PPP1R8: variants seen among roughly 807,000 people sequenced by gnomAD.
The protein encoded by PPP1R8 is protein phosphatase 1 regulatory subunit 8.
A neutral mutation model predicts 31.3 loss-of-function variants in PPP1R8; 4 were observed. That is an observed-to-expected ratio of 0.13 (90% CI 0.06 to 0.29). The LOEUF (loss-of-function observed/expected upper bound fraction) is 0.29. PPP1R8 is among the 10% of genes least tolerant of loss of function. The pLI is 1.00. For synonymous variants in PPP1R8, 170 were observed against 169.7 expected, an observed-to-expected ratio of 1.00 and a Z score of -0.01; for missense variants, 254 against 440.1, an observed-to-expected ratio of 0.58 and a Z score of 3.78.
intron 3 of PPP1R8, among the ~76,000 whole-genome samples, chr1:27,839,540 A>G (rs2089202854): frequency 6.6e-6 from 1 of 152,072 alleles, no homozygotes; most frequent in African/African-American, 2.4e-5. Flanking sequence ...AAAAATAAAG[A>G]AAAGGAAAAA....
Position 27,841,105 on chromosome 1 carries a change from A to G in PPP1R8, c.363A>G (p.Thr121=). ...IDSTVSFGAS[T]RAYTLREKPQ... is the part of the protein sequence containing the mutation. Reference sequence around the variant, plus strand: ...CCACGGTCTCATTTGGCGCATCCACAAGGGCATACACTCTGCGCGAGAAGC... The same window carrying G: ...CCACGGTCTCATTTGGCGCATCCACGAGGGCATACACTCTGCGCGAGAAGC... Residue 121 remains threonine, a synonymous_variant, in exon 4 of 7, where the codon ACA becomes ACG. Transcript: ENST00000311772. 6.2e-7 allele frequency: 1 copy of G among 1,614,178 alleles called. No individual in the cohort carries two copies. Among genetic ancestry groups the G allele is most frequent in the Non-Finnish European group, 8.5e-7 (1 of 1,180,042 alleles).
rs375376970 is a variant in PPP1R8 at position 27,831,045 on chromosome 1, C to A, written c.56+154C>A. ...CTGTTTGCTGCACCGGGCCGGGCGA[C>A]GTGTTGAAGAACCGAGAGCCTGGAG... On this transcript the variant is annotated intron_variant, in intron 1 of 6. Transcript: ENST00000311772. 93 of 1,390,836 alleles carry A rather than the reference C, an allele frequency of 6.7e-5. No individual in the cohort carries two copies. In the East Asian group the frequency reaches 1.6e-3, roughly 25 times the overall value. The allele number at this position is 1,390,836 out of a possible 1,614,324, so 86.2% of individuals were successfully genotyped here.
At chr1:27,831,532 A>G (rs1025001975) in intron 1 of PPP1R8, among the ~76,000 whole-genome samples, 3 of 152,160 alleles carry the variant, frequency 2.0e-5, no homozygotes, top group African/African-American at 7.2e-5. Flanking sequence ...AATATGAATT[A>G]CCTTACAAGG....
At chr1:27,837,716 A>G (rs1345458942) in intron 2 of PPP1R8, among the ~76,000 whole-genome samples, 2 of 150,670 alleles carry the variant, frequency 1.3e-5, no homozygotes, top group African/African-American at 4.9e-5. Context: ...CGGAGGTTGC[A>G]GTGAGCCGAG....
chr1:27,839,361 C>G (rs187985382), intron 3 of PPP1R8, among the ~76,000 whole-genome samples: 1 of 152,108 alleles, frequency 6.6e-6, no homozygotes, highest in East Asian at 1.9e-4. Flanking sequence ...AACCTCGCCT[C>G]TACCAAAAAT....
chr1:27,842,297 G>A (rs948390695), intron 4 of PPP1R8, among the ~76,000 whole-genome samples: 6 of 149,978 alleles, frequency 4.0e-5, no homozygotes, highest in East Asian at 2.0e-4. Context: ...AGCCAAGATC[G>A]CGCAGTTGCA....
intron 2 of PPP1R8, among the ~76,000 whole-genome samples, chr1:27,833,033 G>T (rs2089127086): frequency 6.6e-6 from 1 of 152,074 alleles, no homozygotes; most frequent in East Asian, 1.9e-4. Context: ...TCAAATGAAG[G>T]GTTTTAATAG....
At chr1:27,843,863 G>T (rs1215350226) in intron 5 of PPP1R8, among the ~76,000 whole-genome samples, 2 of 152,216 alleles carry the variant, frequency 1.3e-5, no homozygotes, top group South Asian at 2.1e-4. Flanking sequence ...TGAGGCAGGA[G>T]AATCGCTTAA....
rs1209447789 is a variant in PPP1R8, at chr1:27,830,911, G to A, written c.56+20G>A. On this transcript the variant is annotated intron_variant, in intron 1 of 6. Coordinates refer to ENST00000311772, the MANE Select transcript of PPP1R8 (RefSeq NM_014110.5). ...AACCTGGTGAGTGGCGGGGCGGCCAGGGCTAGAGTGGCCCGGCCGGAGCTA... is the reference window on the plus strand; with the variant it reads ...AACCTGGTGAGTGGCGGGGCGGCCAAGGCTAGAGTGGCCCGGCCGGAGCTA... 1.9e-6 allele frequency: 3 copies of A among 1,551,496 alleles called. No individual in the cohort carries two copies. The highest frequency in any genetic ancestry group is 1.7e-6 in the Non-Finnish European group (2 of 1,148,750).
At chr1:27,832,890 C>A in intron 2 of PPP1R8, 74 bp downstream of exon 2, 1 of 1,234,388 alleles carries the variant, frequency 8.1e-7, no homozygotes, top group South Asian at 1.4e-5. Flanking sequence ...TTTCCACCCC[C>A]TCTCCTGTGC....
chr1:27,835,242 T>G (rs2089153475), intron 2 of PPP1R8, among the ~76,000 whole-genome samples: 1 of 152,072 alleles, frequency 6.6e-6, no homozygotes, highest in African/African-American at 2.4e-5. Context: ...GTGAGCACTG[T>G]GGTTAGCAAA....
At chr1:27,841,714 A>T (rs1168738831) in intron 4 of PPP1R8, among the ~76,000 whole-genome samples, 1 of 152,214 alleles carries the variant, frequency 6.6e-6, no homozygotes, top group Non-Finnish European at 1.5e-5. Flanking sequence ...TGACATTTTC[A>T]TTCATTCATG....
At chr1:27,834,696 A>G (rs1299940694) in intron 2 of PPP1R8, 4 of 354,718 alleles carry the variant, frequency 1.1e-5, no homozygotes, top group East Asian at 7.5e-5. Context: ...CCTTGGTTCT[A>G]AGACATACTG....
At chr1:27,843,468 C>T in intron 5 of PPP1R8, 138 bp downstream of exon 5, 1 of 1,043,234 alleles carries the variant, frequency 9.6e-7, no homozygotes, top group Non-Finnish European at 1.4e-6. Context: ...ACTAGCCTGG[C>T]CAACAAGGTG....
At chr1:27,844,358 T>G in intron 5 of PPP1R8, among the ~76,000 whole-genome samples, 1 of 152,076 alleles carries the variant, frequency 6.6e-6, no homozygotes, top group Non-Finnish European at 1.5e-5. Context: ...AGACGGAGTC[T>G]CGTTCTGTCA....
In PPP1R8 at chr1:27,851,539, G is replaced by A. The variant is rs1199249634; in HGVS notation, c.*1093G>A. ...ACGTAACTTTTGTCATTTGGGTGCAGGCTGTGAATTTGTCTCTCAGTCACT... is the reference window on the plus strand; with the variant it reads ...ACGTAACTTTTGTCATTTGGGTGCAAGCTGTGAATTTGTCTCTCAGTCACT... On this transcript the variant is annotated 3_prime_UTR_variant, in exon 7 of 7. Transcript: ENST00000311772. 1 of 500,068 alleles carries A rather than the reference G, an allele frequency of 2.0e-6. No homozygotes were observed. The highest frequency in any genetic ancestry group is 1.5e-5 in the South Asian group (1 of 68,112). 31.0% of individuals were successfully genotyped at this position (500,068 alleles called of 1,614,324 possible).
At chr1:27,835,530 C>G (rs2089155458) in intron 2 of PPP1R8, among the ~76,000 whole-genome samples, 3 of 152,192 alleles carry the variant, frequency 2.0e-5, no homozygotes, top group Admixed American at 6.5e-5. Flanking sequence ...CAGATGGGCA[C>G]TGCCAGATAG....
chr1:27,836,234 TC>T (rs952070111), intron 2 of PPP1R8, among the ~76,000 whole-genome samples: 1 of 152,198 alleles, frequency 6.6e-6, no homozygotes, highest in Admixed American at 6.5e-5. Flanking sequence ...TGAGAGTTAT[TC>T]CTCAAGTGCT....
At position 27,832,635 on chromosome 1, in the gene PPP1R8, C is replaced by T. The variant is rs909770705; in HGVS notation, c.57-121C>T. ...AATAACAGTGAAGTGGATGACATTT[C>T]TGCTTGAACATGAACTAATTATAGG... On this transcript the variant is annotated intron_variant, in intron 1 of 6. Coordinates refer to ENST00000311772, the MANE Select transcript of PPP1R8 (RefSeq NM_014110.5). 5.6e-6 allele frequency: 4 copies of T among 718,522 alleles called. 1 individual carries two copies. Among genetic ancestry groups the T allele is most frequent in the Middle Eastern group, 5.3e-4 (2 of 3,770 alleles). The allele number at this position is 718,522 out of a possible 1,614,324, so 44.5% of individuals were successfully genotyped here.
Sources: allele counts gnomAD v4.1 joint callset (sites outside exome capture counted in the v4.1 genomes callset), GRCh38; gene constraint gnomAD v4.1.1; transcripts MANE v1.5; gene names NCBI Gene and HGNC (gene_info 2026-07-23, HGNC 2026-07-21).